PCDHA7: variants seen among roughly 807,000 people sequenced by gnomAD.
The protein encoded by PCDHA7 is protocadherin alpha-7.
PCDHA7 carries 37 observed loss-of-function variants against 57.2 expected under a neutral mutation model. The ratio of observed to expected loss-of-function variants is 0.65; its 90% CI spans 0.50 to 0.85. The LOEUF (loss-of-function observed/expected upper bound fraction) is 0.85. Among genes scored for constraint, PCDHA7 ranks in the 40% least tolerant of loss-of-function variants. PCDHA7 has a pLI of 0.00. For synonymous variants in PCDHA7, 553 were observed against 558.8 expected, an observed-to-expected ratio of 0.99 and a Z score of 0.15; for missense variants, 1,188 against 1,241.8, an observed-to-expected ratio of 0.96 and a Z score of 0.65.
chr5:140,885,727 A>G (rs539866953), intron 1 of PCDHA7, among the ~76,000 whole-genome samples: 1 of 152,308 alleles, frequency 6.6e-6, no homozygotes, highest in South Asian at 2.1e-4. Context: ...TCTCTGTGAA[A>G]TGATATTTCA....
intron 1 of PCDHA7, among the ~76,000 whole-genome samples, chr5:140,934,524 G>A (rs181182103): frequency 4.4e-4 from 67 of 152,192 alleles, no homozygotes; most frequent in Admixed American, 3.1e-3. Context: ...ACCACACTTC[G>A]AGAGCTACCG....
chr5:140,843,669 T>C (rs1554140329), intron 1 of PCDHA7: 2 of 1,592,688 alleles, frequency 1.3e-6, no homozygotes, highest in Non-Finnish European at 1.7e-6. Flanking sequence ...CTGGGATCAG[T>C]TGATGTAGGC....
chr5:140,967,453 C>A (rs782630345), intron 1 of PCDHA7: 1 of 1,613,556 alleles, frequency 6.2e-7, no homozygotes, highest in Non-Finnish European at 8.5e-7. Context: ...TTCTCACAGC[C>A]GTGGATGGGG....
At chr5:140,889,414 C>T (rs1014981678) in intron 1 of PCDHA7, among the ~76,000 whole-genome samples, 3 of 151,934 alleles carry the variant, frequency 2.0e-5, no homozygotes, top group Admixed American at 6.6e-5. Flanking sequence ...GAGTCAGTTA[C>T]GTAGATAATA....
At chr5:141,007,395 C>CAAAAAAAAAAAAA (rs35800918) in intron 3 of PCDHA7, among the ~76,000 whole-genome samples, 1 of 94,866 alleles carries the variant, frequency 1.1e-5, no homozygotes. Flanking sequence ...TACTAAAATA[C>CAAAAAAAAAAAAA]AAAAAAAAAA....
chr5:140,920,722 C>T (rs2079784294), intron 1 of PCDHA7, among the ~76,000 whole-genome samples: 1 of 151,872 alleles, frequency 6.6e-6, no homozygotes, highest in Non-Finnish European at 1.5e-5. Context: ...TGTGCGCCTG[C>T]AGTCCCAGCT....
At chr5:140,884,390 T>C in intron 1 of PCDHA7, 7 of 1,613,968 alleles carry the variant, frequency 4.3e-6, no homozygotes, top group Middle Eastern at 1.6e-4. Context: ...CTGCGCGGTG[T>C]CCAGCCTGTT....
chr5:140,857,567 G>C, intron 1 of PCDHA7: 1 of 1,596,986 alleles, frequency 6.3e-7, no homozygotes, highest in Non-Finnish European at 8.6e-7. Flanking sequence ...GTCGAGCTAC[G>C]TGTCGGTGCA....
At chr5:140,872,544 C>T (rs912822292) in intron 1 of PCDHA7, among the ~76,000 whole-genome samples, 1 of 152,126 alleles carries the variant, frequency 6.6e-6, no homozygotes, top group Admixed American at 6.5e-5. Context: ...AGAGGATCCC[C>T]TGAACCCAGG....
intron 1 of PCDHA7, chr5:140,870,270 G>C (rs139719896): frequency 0.022 from 34,719 of 1,614,158 alleles, 446 homozygotes; most frequent in African/African-American, 0.029. Flanking sequence ...GCTCGCTGAC[G>C]CCCCACGTTC....
At chr5:140,870,346 G>A in intron 1 of PCDHA7, 5 of 1,614,236 alleles carry the variant, frequency 3.1e-6, no homozygotes, top group Non-Finnish European at 4.2e-6. Context: ...CCTGGACCGC[G>A]AGAACGTGTG....
At chr5:140,967,166 G>T (rs563863114) in intron 1 of PCDHA7, 1 of 1,611,394 alleles carries the variant, frequency 6.2e-7, no homozygotes, top group South Asian at 1.1e-5. Context: ...GGTGAGCGCC[G>T]TTGAGGTGGA....
At chr5:140,898,306 G>A (rs192633483) in intron 1 of PCDHA7, among the ~76,000 whole-genome samples, 25 of 152,228 alleles carry the variant, frequency 1.6e-4, no homozygotes, top group Non-Finnish European at 3.1e-4. Flanking sequence ...TTTCTTCTAG[G>A]GTTTTTATGG....
At chr5:140,927,753 C>T (rs1435866827) in intron 1 of PCDHA7, 3 of 1,614,078 alleles carry the variant, frequency 1.9e-6, no homozygotes, top group Non-Finnish European at 2.5e-6. Flanking sequence ...TTCACGTGCA[C>T]CCTAAAAGTG....
chr5:140,928,547 A>T (rs782813761), intron 1 of PCDHA7: 5 of 1,614,206 alleles, frequency 3.1e-6, no homozygotes, highest in Middle Eastern at 3.3e-4. Context: ...AATGACAATT[A>T]TCCGGTTATC....
intron 1 of PCDHA7, chr5:140,877,293 G>C (rs782717737): frequency 1.2e-6 from 2 of 1,613,936 alleles, no homozygotes; most frequent in Non-Finnish European, 1.7e-6. Context: ...ACGCTTGGCT[G>C]TCCTACGAGT....
intron 1 of PCDHA7, chr5:140,843,355 G>T (rs1554139992): frequency 1.9e-6 from 3 of 1,596,010 alleles, no homozygotes; most frequent in Admixed American, 1.7e-5. Context: ...CTCCAAAAGC[G>T]TCATCGAGGC....
Position 140,856,457 on chromosome 5 carries a change from C to T in PCDHA7, c.2355+19719C>T, listed in dbSNP as rs1383276232. On this transcript the variant is annotated intron_variant, in intron 1 of 3. Coordinates refer to ENST00000525929, the MANE Select transcript of PCDHA7 (RefSeq NM_018910.3). ...CCCGCCCAGGTTCTCCGTAACAGAACAAAAGCTCTCAATACCTGAATCCAG... is the reference window on the plus strand; with the variant it reads ...CCCGCCCAGGTTCTCCGTAACAGAATAAAAGCTCTCAATACCTGAATCCAG... 12 of 1,598,330 alleles carry T rather than the reference C, an allele frequency of 7.5e-6. 1 individual carries two copies. The highest frequency in any genetic ancestry group is 1.0e-5 in the Non-Finnish European group (12 of 1,167,902).
intron 1 of PCDHA7, chr5:140,848,731 T>C: frequency 6.3e-7 from 1 of 1,592,772 alleles, no homozygotes; most frequent in Non-Finnish European, 8.6e-7. Context: ...GAGGTAAATC[T>C]GCAGAATGGC....
Sources: allele counts gnomAD v4.1 joint callset (sites outside exome capture counted in the v4.1 genomes callset), GRCh38; gene constraint gnomAD v4.1.1; transcripts MANE v1.5; gene names NCBI Gene and HGNC (gene_info 2026-07-23, HGNC 2026-07-21).